METTL23: variants seen among roughly 807,000 people sequenced by gnomAD.
METTL23 encodes the protein histone-arginine methyltransferase METTL23.
METTL23 carries 24 observed loss-of-function variants against 21.2 expected under a neutral mutation model. The ratio of observed to expected loss-of-function variants is 1.13; its 90% CI spans 0.82 to 1.59. METTL23 has a LOEUF of 1.59. Among genes scored for constraint, METTL23 ranks in the 40% most tolerant of loss-of-function variants. The pLI is 0.00. For missense variants in METTL23, 276 were observed against 221.4 expected (o/e 1.25, Z -1.57); for synonymous variants, 97 against 75.2 (o/e 1.29, Z -1.50).
At chr17:76,726,511 G>C, upstream of METTL23, 1 of 1,570,046 alleles carries the variant, frequency 6.4e-7, no homozygotes, top group East Asian at 2.4e-5. Context: ...CTACGACCTC[G>C]GCGCAGCCCG....
chr17:76,728,778 T>C (rs994070648), intron 1 of METTL23, among the ~76,000 whole-genome samples: 1 of 142,942 alleles, frequency 7.0e-6, no homozygotes, highest in African/African-American at 2.5e-5. Flanking sequence ...CCTGTGAGAA[T>C]AGAAGCCTCT....
At chr17:76,726,762 T>C (rs1196814856), upstream of METTL23, 6 of 449,220 alleles carry the variant, frequency 1.3e-5, no homozygotes, top group African/African-American at 1.0e-4. Context: ...CTCCGCCATG[T>C]TGGGAAGGTC....
chr17:76,728,557 C>T (rs1409839465), intron 1 of METTL23, among the ~76,000 whole-genome samples: 1 of 151,966 alleles, frequency 6.6e-6, no homozygotes, highest in African/African-American at 2.4e-5. Context: ...ATTATAGGCG[C>T]CCACCACCAT....
rs1394245657 is a variant in METTL23, at chr17:76,733,500, GAAC to G, written c.408-17_408-15del. On this transcript the variant is annotated intron_variant, in intron 4 of 4. Transcript: ENST00000341249. Reference sequence around the variant, plus strand: ...AAACAGAAAAGGCATGACTTTAAAAGAACAACTTTTTTTTTTTAAGTGCTGACT... The same window carrying G: ...AAACAGAAAAGGCATGACTTTAAAAGAACTTTTTTTTTTTAAGTGCTGACT... The G allele has an allele frequency of 2.1e-5, 33 of 1,599,742 alleles. No homozygotes were observed. The highest frequency in any genetic ancestry group is 2.8e-5 in the Non-Finnish European group (33 of 1,174,544).
chr17:76,729,677 A>G lies in METTL23; in HGVS notation c.-21-13A>G. 2.0e-6 allele frequency: 3 copies of G among 1,517,848 alleles called. No individual in the cohort carries two copies. Among genetic ancestry groups the G allele is most frequent in the Non-Finnish European group, 2.7e-6 (3 of 1,112,234 alleles). 94.0% of individuals were successfully genotyped at this position (1,517,848 alleles called of 1,614,324 possible). A position where few individuals can be genotyped will look rare whatever the true frequency, so the allele number is the denominator to read the frequency against. The stretch of plus-strand genomic sequence containing the variant: ...GCTAAATTATTTATGGCACACAAAA[A>G]CATTCTTTTCAGGTCCTGCATCTCC... On this transcript the variant is annotated splice_polypyrimidine_tract_variant and intron_variant, in intron 1 of 4. Transcript: ENST00000341249.
Position 76,733,367 on chromosome 17 carries a change from C to G in METTL23, c.397C>G (p.Gln133Glu). The G allele has an allele frequency of 6.2e-7, 1 of 1,613,898 alleles. No homozygotes were observed. The stretch of plus-strand genomic sequence containing the variant: ...CAAGGTCCAATTGTGGTCTACTTAT[C>G]AAGTTAGGAGGCAAGTATGGATGAC... Reference protein sequence around the residue: ...NPKVQLWSTYQVRSADWSLEA... With the variant: ...NPKVQLWSTYEVRSADWSLEA... The change falls in exon 4 of 5, where the codon CAA (glutamine) becomes GAA (glutamate). Residue 133 changes from glutamine (Q) to glutamate (E), a missense_variant. Coordinates refer to ENST00000341249, the MANE Select transcript of METTL23 (RefSeq NM_001080510.5).
At chr17:76,730,857 A>G (rs1175550165) in intron 2 of METTL23, among the ~76,000 whole-genome samples, 2 of 152,060 alleles carry the variant, frequency 1.3e-5, no homozygotes, top group Non-Finnish European at 2.9e-5. Context: ...TAATCCCAGC[A>G]CTTTGGGAGG....
intron 2 of METTL23, among the ~76,000 whole-genome samples, chr17:76,730,162 C>T (rs1034696519): frequency 1.3e-5 from 2 of 151,856 alleles, no homozygotes; most frequent in Non-Finnish European, 2.9e-5. Flanking sequence ...CCTGGTGGTG[C>T]ACGCCTGTAA....
Position 76,733,179 on chromosome 17 carries a change from A to C in METTL23, c.286A>C (p.Ile96Leu). 1 of 1,613,900 alleles carries C rather than the reference A, an allele frequency of 6.2e-7. No individual in the cohort carries two copies. The highest frequency in any genetic ancestry group is 8.5e-7 in the Non-Finnish European group (1 of 1,179,812). ...TCTTCTGGCTCTACCACCACAAGAT[A>C]TTATCCTTGCATCTGATGTGTTCTT... ...WDLLALPPQD[I>L]ILASDVFFEP... is the part of the protein sequence containing the mutation. Residue 96 changes from isoleucine (I) to leucine (L), a missense_variant, in exon 3 of 5, where the codon ATT becomes CTT. By Grantham distance (5) the Ile-to-Leu change is conservative. Coordinates refer to ENST00000341249, the MANE Select transcript of METTL23 (RefSeq NM_001080510.5).
intron 2 of METTL23, among the ~76,000 whole-genome samples, chr17:76,730,872 G>A (rs992270577): frequency 1.3e-5 from 2 of 152,200 alleles, no homozygotes; most frequent in Non-Finnish European, 2.9e-5. Context: ...GGGAGGCTGA[G>A]GCGGGCGGAT....
upstream of METTL23, chr17:76,726,341 G>A (rs911325073): frequency 1.9e-6 from 3 of 1,569,036 alleles, no homozygotes; most frequent in East Asian, 2.5e-5. Flanking sequence ...CGCCCGACCC[G>A]CTCACCGCCA....
upstream of METTL23, chr17:76,726,555 G>A: frequency 6.7e-7 from 1 of 1,494,944 alleles, no homozygotes; most frequent in Non-Finnish European, 8.9e-7. Flanking sequence ...CCCCGGCCTG[G>A]GCGGCGGCGA....
chr17:76,726,430 C>T (rs779934163), upstream of METTL23: 3 of 1,604,272 alleles, frequency 1.9e-6, no homozygotes, highest in Non-Finnish European at 2.6e-6. Flanking sequence ...TCCGGCCGCG[C>T]ACTCCGCTTG....
chr17:76,732,914 A>G, intron 2 of METTL23, 64 bp from the exon 3 acceptor site: 1 of 1,323,094 alleles, frequency 7.6e-7, no homozygotes, highest in Non-Finnish European at 1.1e-6. Flanking sequence ...AAAAAGTACT[A>G]AGATTCCCAA....
At position 76,728,941 on chromosome 17, in the gene METTL23, C is replaced by G. The variant is rs1041931330; in HGVS notation, c.-21-749C>G. Reference sequence around the variant, plus strand: ...CCGGAGTAGCTGGGACTACAGGTGCCCACCACCATGTCCGGCTAATTTTTT... The same window carrying G: ...CCGGAGTAGCTGGGACTACAGGTGCGCACCACCATGTCCGGCTAATTTTTT... On this transcript the variant is annotated intron_variant, in intron 1 of 4. Coordinates refer to ENST00000341249, the MANE Select transcript of METTL23 (RefSeq NM_001080510.5). Among the ~76,000 whole-genome samples the G allele has an allele frequency of 4.0e-5, 6 of 151,406 alleles. 1 individual carries two copies. The highest frequency in any genetic ancestry group is 4.0e-4 in the Admixed American group (6 of 15,182).
chr17:76,733,826 C>A lies in METTL23; in HGVS notation c.*140C>A. ...CTGTTTGCCTTAGATTTTGATGTCA[C>A]CTAGACAACACTTAAACTCATATGA... On this transcript the variant is annotated 3_prime_UTR_variant, in exon 5 of 5. Coordinates refer to ENST00000341249, the MANE Select transcript of METTL23 (RefSeq NM_001080510.5). 1.6e-6 allele frequency: 1 copy of A among 634,988 alleles called. No individual in the cohort carries two copies. Among genetic ancestry groups the A allele is most frequent in the Non-Finnish European group, 2.6e-6 (1 of 389,374 alleles). The allele number at this position is 634,988 out of a possible 1,614,324, so 39.3% of individuals were successfully genotyped here. A position where few individuals can be genotyped will look rare whatever the true frequency, so the allele number is the denominator to read the frequency against.
intron 1 of METTL23, among the ~76,000 whole-genome samples, chr17:76,729,488 C>T (rs1482860454): frequency 6.6e-6 from 1 of 152,228 alleles, no homozygotes; most frequent in Non-Finnish European, 1.5e-5. Context: ...TACTGTGACA[C>T]TAGAAGCACT....
intron 2 of METTL23, among the ~76,000 whole-genome samples, chr17:76,731,381 G>T (rs1232962561): frequency 6.6e-6 from 1 of 152,236 alleles, no homozygotes; most frequent in Admixed American, 6.5e-5. Flanking sequence ...GGTTCAGACA[G>T]TGTCCTCTGT....
At chr17:76,726,491 G>A (rs1367530719), upstream of METTL23, 8 of 1,585,158 alleles carry the variant, frequency 5.0e-6, no homozygotes, top group South Asian at 1.1e-5. Flanking sequence ...GGGGTCGCCA[G>A]CTGGTTCCGC....
Sources: allele counts gnomAD v4.1 joint callset (sites outside exome capture counted in the v4.1 genomes callset), GRCh38; gene constraint gnomAD v4.1.1; transcripts MANE v1.5; gene names NCBI Gene and HGNC (gene_info 2026-07-23, HGNC 2026-07-21).